The following STK10 variants were observed in gnomAD, a reference collection of about 807,000 sequenced individuals.
STK10 encodes the protein serine/threonine-protein kinase 10.
Under a neutral mutation model 113.8 loss-of-function variants are expected in STK10, and 78 were observed. That is an observed-to-expected ratio of 0.69 (90% CI 0.57 to 0.83). STK10 has a LOEUF of 0.83. STK10 is among the 40% of genes least tolerant of loss of function. The probability of loss-of-function intolerance (pLI) is 0.00; values close to 1 mark genes in which losing one functional copy is unlikely to be tolerated. For synonymous variants in STK10, 465 were observed against 494.7 expected, an observed-to-expected ratio of 0.94 and a Z score of 0.80; for missense variants, 1,109 against 1,280.1, an observed-to-expected ratio of 0.87 and a Z score of 2.04.
At chr5:172,083,353 AAAAGAT>A (rs1768475754) in intron 10 of STK10, among the ~76,000 whole-genome samples, 1 of 152,226 alleles carries the variant, frequency 6.6e-6, no homozygotes, top group African/African-American at 2.4e-5. Flanking sequence ...GACATGAAGC[AAAAGAT>A]AAAAAGAAAT....
In STK10 at chr5:172,082,230, T is replaced by A; in HGVS notation, c.1989+96A>T. The A allele has an allele frequency of 7.2e-7, 1 of 1,380,776 alleles. No individual in the cohort carries two copies. Among genetic ancestry groups the A allele is most frequent in the Non-Finnish European group, 9.5e-7 (1 of 1,048,270 alleles). The allele number at this position is 1,380,776 out of a possible 1,614,324, so 85.5% of individuals were successfully genotyped here. ...CTCCCGAGCTCTTCAGCCGTACCCC[T>A]CTGCTGCCAAGGTGAGGTTGAGGCC... On this transcript the variant is annotated intron_variant, in intron 12 of 18. Coordinates refer to ENST00000176763, the MANE Select transcript of STK10 (RefSeq NM_005990.4). This position sits in a 1 kb window ranked among gnomAD's most constrained non-coding sequence, Gnocchi z 4.3.
At chr5:172,069,073 T>C (rs1581139439) in intron 12 of STK10, among the ~76,000 whole-genome samples, 1 of 151,252 alleles carries the variant, frequency 6.6e-6, no homozygotes, top group Admixed American at 6.6e-5. Flanking sequence ...CACACACACA[T>C]AAAATATAAA....
At chr5:172,161,111 G>T (rs1770460662) in intron 1 of STK10, among the ~76,000 whole-genome samples, 1 of 152,138 alleles carries the variant, frequency 6.6e-6, no homozygotes, top group South Asian at 2.1e-4. Context: ...GATGGGGTGT[G>T]GGAGAGGGCA....
At chr5:172,084,521 G>C (rs1458065244) in intron 10 of STK10, among the ~76,000 whole-genome samples, 1 of 151,976 alleles carries the variant, frequency 6.6e-6, no homozygotes, top group East Asian at 1.9e-4. Context: ...GGAGAAAAAG[G>C]ACAACAATGT....
rs113551500 is a variant in STK10, at chr5:172,054,563, C to G, written c.2652+6G>C. Reference sequence around the variant, plus strand: ...GGGGCAGGGGCAGGGGCAGGCAGGGCGGTACCTGCAGCTGCTGCAGCTCGC... The same window carrying G: ...GGGGCAGGGGCAGGGGCAGGCAGGGGGGTACCTGCAGCTGCTGCAGCTCGC... On this transcript the variant is annotated splice_donor_region_variant and intron_variant, in intron 17 of 18. Transcript: ENST00000176763. 4.0e-3 allele frequency: 6,387 copies of G among 1,603,658 alleles called. 194 individuals are homozygous for G. In the African/African-American group the frequency reaches 0.066, roughly 17 times the overall value.
At position 172,080,560 on chromosome 5, in the gene STK10, T is replaced by G. The variant is rs573708092; in HGVS notation, c.1989+1766A>C. On this transcript the variant is annotated intron_variant, in intron 12 of 18. Coordinates refer to ENST00000176763, the MANE Select transcript of STK10 (RefSeq NM_005990.4). The stretch of plus-strand genomic sequence containing the variant: ...AATGATGAGAAAGCAAAACAGCCTA[T>G]GCTGAGATAAACTTTGAGTGGTCTG... Among the ~76,000 whole-genome samples, 11 of 152,380 alleles carry G rather than the reference T, an allele frequency of 7.2e-5. No individual in the cohort carries two copies. In the South Asian group the frequency reaches 2.3e-3, roughly 32 times the overall value.
chr5:172,146,962 G>A (rs1561825313), intron 2 of STK10, among the ~76,000 whole-genome samples: 2 of 152,178 alleles, frequency 1.3e-5, no homozygotes, highest in African/African-American at 2.4e-5. Flanking sequence ...CCGAGACTGC[G>A]CCCTCCACCC....
At chr5:172,081,905 G>GGGA (rs944522747) in intron 12 of STK10, among the ~76,000 whole-genome samples, 1 of 152,130 alleles carries the variant, frequency 6.6e-6, no homozygotes, top group African/African-American at 2.4e-5. Flanking sequence ...TTCCAACATG[G>GGGA]GGAGGAGGAG....
chr5:172,065,292 CTTTTTTTTTTT>C (rs535856789), intron 12 of STK10, among the ~76,000 whole-genome samples: 2 of 123,176 alleles, frequency 1.6e-5, no homozygotes, highest in Admixed American at 8.5e-5. Context: ...TGAAAATGCA[CTTTTTTTTTTT>C]TTTTTTTTTG....
At chr5:172,136,083 A>C (rs370899514) in intron 2 of STK10, among the ~76,000 whole-genome samples, 6 of 152,200 alleles carry the variant, frequency 3.9e-5, no homozygotes, top group East Asian at 3.9e-4. Context: ...AGAAAAAAAA[A>C]CCTCAAATTA....
chr5:172,161,266 A>G (rs1478743086), intron 1 of STK10, among the ~76,000 whole-genome samples: 8 of 152,108 alleles, frequency 5.3e-5, no homozygotes, highest in Non-Finnish European at 7.4e-5. Context: ...AGCCTGGCCA[A>G]AATGGTGAAA....
intron 3 of STK10, among the ~76,000 whole-genome samples, chr5:172,123,194 C>T (rs549041936): frequency 6.6e-6 from 1 of 152,224 alleles, no homozygotes; most frequent in Non-Finnish European, 1.5e-5. Context: ...GGGGCAGAAA[C>T]CCCTCTAAGC....
At chr5:172,110,950 A>G (rs1410334775) in intron 4 of STK10, among the ~76,000 whole-genome samples, 1 of 152,144 alleles carries the variant, frequency 6.6e-6, no homozygotes, top group Non-Finnish European at 1.5e-5. Flanking sequence ...GTGGTCAGGA[A>G]AGCTGGCTTC....
intron 14 of STK10, among the ~76,000 whole-genome samples, chr5:172,059,871 T>C (rs1767895373): frequency 1.3e-5 from 2 of 152,154 alleles, no homozygotes. Context: ...AGAAATCCCT[T>C]GAACTCCCAA....
At position 172,139,182 on chromosome 5, in the gene STK10, A is replaced by G. The variant is rs1422682059; in HGVS notation, c.322-11761T>C. On this transcript the variant is annotated intron_variant, in intron 2 of 18. Transcript: ENST00000176763. The stretch of plus-strand genomic sequence containing the variant: ...TGATGGCATCTTTTACAGAAATAGA[A>G]AAATCTATCCTAAAATATTATGGAA... 2.0e-5 allele frequency among the ~76,000 whole-genome samples: 3 copies of G among 152,198 alleles called. No individual in the cohort carries two copies. The East Asian group carries it at 5.8e-4, about 29-fold the overall frequency.
intron 12 of STK10, among the ~76,000 whole-genome samples, chr5:172,078,168 TGTG>T (rs1390760499): frequency 2.1e-4 from 32 of 151,974 alleles, no homozygotes; most frequent in African/African-American, 7.5e-4. Flanking sequence ...TTCTTAGGAG[TGTG>T]GAGTAGGCAA....
intron 14 of STK10, among the ~76,000 whole-genome samples, chr5:172,060,135 C>T (rs749137988): frequency 6.6e-6 from 1 of 152,088 alleles, no homozygotes; most frequent in African/African-American, 2.4e-5. Flanking sequence ...AGGCTGGGCA[C>T]GTTGGCTTAT....
intron 4 of STK10, among the ~76,000 whole-genome samples, chr5:172,113,852 G>T (rs116268945): frequency 0.017 from 2,620 of 152,086 alleles, 64 homozygotes; most frequent in African/African-American, 0.059. Flanking sequence ...GGCAGCGGTT[G>T]TGGAGAGCTA....
At chr5:172,078,854 TG>T (rs1345713724) in intron 12 of STK10, among the ~76,000 whole-genome samples, 2 of 151,942 alleles carry the variant, frequency 1.3e-5, no homozygotes, top group Non-Finnish European at 2.9e-5. Context: ...GGGCAAGTTC[TG>T]GGAAAGGGTG....
Sources: allele counts gnomAD v4.1 joint callset (sites outside exome capture counted in the v4.1 genomes callset), GRCh38; gene constraint gnomAD v4.1.1; non-coding constraint Gnocchi (gnomAD v3.1); transcripts MANE v1.5; gene names NCBI Gene and HGNC (gene_info 2026-07-23, HGNC 2026-07-21).